TRIM2: variants seen among roughly 807,000 people sequenced by gnomAD.
The protein encoded by TRIM2 is tripartite motif-containing protein 2.
In TRIM2, 20 loss-of-function variants were observed where a neutral mutation model predicts 75.2. That is an observed-to-expected ratio of 0.27 (90% CI 0.19 to 0.39). The LOEUF (loss-of-function observed/expected upper bound fraction) is 0.39. TRIM2 is among the 10% of genes least tolerant of loss of function. The pLI is 1.00. For synonymous variants in TRIM2, 373 were observed against 388.3 expected, an observed-to-expected ratio of 0.96 and a Z score of 0.46; for missense variants, 660 against 990.8, an observed-to-expected ratio of 0.67 and a Z score of 4.48.
At chr4:153,206,669 T>C (rs190373599) in intron 1 of TRIM2, among the ~76,000 whole-genome samples, 8 of 152,234 alleles carry the variant, frequency 5.3e-5, no homozygotes, top group Non-Finnish European at 8.8e-5. Flanking sequence ...GTCAACCTCC[T>C]GCCCCTCTTT....
At chr4:153,217,196 A>G (rs1738716350) in intron 1 of TRIM2, among the ~76,000 whole-genome samples, 1 of 152,204 alleles carries the variant, frequency 6.6e-6, no homozygotes, top group Non-Finnish European at 1.5e-5. Flanking sequence ...CCCTAGACAT[A>G]AAGAAGACAT....
intron 1 of TRIM2, among the ~76,000 whole-genome samples, chr4:153,210,228 C>G (rs1014751114): frequency 2.0e-5 from 3 of 151,996 alleles, no homozygotes; most frequent in African/African-American, 4.8e-5. Flanking sequence ...CCACGCATGG[C>G]TAATTTTTGT....
At position 153,306,737 on chromosome 4, in the gene TRIM2, T is replaced by C. The variant is rs73854649; in HGVS notation, c.1511-8748T>C. ...TATGCTGGAGCCAGGCCATACTGGC[T>C]TATTCAGTGACTTCATATTGGTAGC... On this transcript the variant is annotated intron_variant, in intron 6 of 11. Transcript: ENST00000338700. Among the ~76,000 whole-genome samples, 805 of 152,348 alleles carry C rather than the reference T, an allele frequency of 5.3e-3. 11 individuals carry two copies. Among genetic ancestry groups the C allele is most frequent in the African/African-American group, 0.018 (768 of 41,590 alleles).
At chr4:153,172,402 T>G (rs556466484) in intron 1 of TRIM2, among the ~76,000 whole-genome samples, 19 of 152,258 alleles carry the variant, frequency 1.2e-4, no homozygotes, top group Non-Finnish European at 2.1e-4. Context: ...TTAGCCAGGA[T>G]GGTCTCGATC....
At chr4:153,324,974 A>C (rs1224965393) in intron 10 of TRIM2, among the ~76,000 whole-genome samples, 1 of 152,216 alleles carries the variant, frequency 6.6e-6, no homozygotes, top group Non-Finnish European at 1.5e-5. Flanking sequence ...CATTAATCTA[A>C]ATTTTAAAAG....
chr4:153,280,775 C>T (rs1444375490), intron 3 of TRIM2, among the ~76,000 whole-genome samples: 1 of 151,992 alleles, frequency 6.6e-6, no homozygotes. Context: ...AGCTCTGCCT[C>T]CCGGGTTCAC....
chr4:153,249,743 A>G (rs1218352658), intron 1 of TRIM2, among the ~76,000 whole-genome samples: 1 of 152,200 alleles, frequency 6.6e-6, no homozygotes, highest in African/African-American at 2.4e-5. Flanking sequence ...AACAAGGTAA[A>G]CTGGTGAGGC....
intron 1 of TRIM2, chr4:153,266,899 T>G (rs1168698743): frequency 2.0e-5 from 3 of 149,044 alleles, no homozygotes; most frequent in Non-Finnish European, 4.5e-5. Context: ...CTGGGTTTTT[T>G]TTTTTTTTTT....
chr4:153,213,118 A>C (rs866407819), intron 1 of TRIM2, among the ~76,000 whole-genome samples: 2 of 152,266 alleles, frequency 1.3e-5, no homozygotes, highest in Admixed American at 6.5e-5. Flanking sequence ...TAAGTGCTTT[A>C]TGTGTATGAG....
At chr4:153,272,734 G>A (rs1014115507) in intron 2 of TRIM2, among the ~76,000 whole-genome samples, 3 of 152,212 alleles carry the variant, frequency 2.0e-5, no homozygotes, top group African/African-American at 7.2e-5. Context: ...GCCTCCCAAA[G>A]TGTTGGGCTT....
chr4:153,230,177 C>G (rs909877430), intron 1 of TRIM2, among the ~76,000 whole-genome samples: 12 of 152,020 alleles, frequency 7.9e-5, no homozygotes, highest in Non-Finnish European at 1.2e-4. Flanking sequence ...GTTTGCCATC[C>G]ACACTATTTT....
intron 6 of TRIM2, among the ~76,000 whole-genome samples, chr4:153,314,276 C>T (rs1050059863): frequency 2.1e-5 from 3 of 145,198 alleles, no homozygotes; most frequent in Non-Finnish European, 2.9e-5. Flanking sequence ...AAAAATTAGC[C>T]GGGCGTAGTG....
intron 1 of TRIM2, among the ~76,000 whole-genome samples, chr4:153,212,293 G>A (rs1484934895): frequency 2.0e-5 from 3 of 152,186 alleles, no homozygotes; most frequent in Non-Finnish European, 4.4e-5. Flanking sequence ...GAAACAGAAA[G>A]CCAAAAACTG....
At chr4:153,309,482 A>G (rs925715839) in intron 6 of TRIM2, among the ~76,000 whole-genome samples, 1 of 152,198 alleles carries the variant, frequency 6.6e-6, no homozygotes. Flanking sequence ...TTACTCACTC[A>G]TTAATAACTT....
At chr4:153,207,796 G>T (rs4330341) in intron 1 of TRIM2, among the ~76,000 whole-genome samples, 51,563 of 152,070 alleles carry the variant, frequency 0.34, 9,801 homozygotes, top group East Asian at 0.62. Context: ...TCAGGGTCAC[G>T]GTTTTCTATC....
chr4:153,321,548 T>C (rs1212045560), intron 8 of TRIM2, among the ~76,000 whole-genome samples: 1 of 152,184 alleles, frequency 6.6e-6, no homozygotes, highest in Non-Finnish European at 1.5e-5. Flanking sequence ...TGATAAAAAG[T>C]GGAGCCATTT....
chr4:153,201,032 C>G (rs369620028), upstream of TRIM2, among the ~76,000 whole-genome samples: 1 of 151,858 alleles, frequency 6.6e-6, no homozygotes, highest in East Asian at 1.9e-4. Context: ...GGCATGATGT[C>G]AGCTCACTGC....
At chr4:153,213,714 G>T (rs192632380) in intron 1 of TRIM2, among the ~76,000 whole-genome samples, 1 of 152,190 alleles carries the variant, frequency 6.6e-6, no homozygotes, top group Non-Finnish European at 1.5e-5. Context: ...TTTTAGTAGA[G>T]ACGGGTTTCA....
chr4:153,263,334 G>GAA (rs546600214), intron 1 of TRIM2, among the ~76,000 whole-genome samples: 1 of 139,684 alleles, frequency 7.2e-6, no homozygotes, highest in Non-Finnish European at 1.6e-5. Context: ...GTCTCAAAAA[G>GAA]AAAAAAAAAA....
Sources: gnomAD v4.1 joint callset for allele counts (sites outside exome capture counted in the v4.1 genomes callset) on GRCh38, gnomAD v4.1.1 for gene constraint, MANE v1.5 for transcripts, NCBI Gene and HGNC (gene_info 2026-07-23, HGNC 2026-07-21) for gene names.